The following ZCCHC7 variants were observed in gnomAD, a reference collection of about 807,000 sequenced individuals.
The protein encoded by ZCCHC7 is zinc finger CCHC domain-containing protein 7.
Under a neutral mutation model 52.0 loss-of-function variants are expected in ZCCHC7, and 35 were observed. That is an observed-to-expected ratio of 0.67 (90% CI 0.51 to 0.89). The LOEUF (loss-of-function observed/expected upper bound fraction) is 0.89, where lower values mean the gene tolerates loss of function less well. Among genes scored for constraint, ZCCHC7 ranks in the 40% least tolerant of loss-of-function variants. ZCCHC7 has a pLI of 0.00. For missense variants in ZCCHC7, 574 were observed against 649.1 expected (o/e 0.88, Z 1.26); for synonymous variants, 217 against 221.5 (o/e 0.98, Z 0.18).
intron 2 of ZCCHC7, among the ~76,000 whole-genome samples, chr9:37,219,074 A>T (rs1824677310): frequency 6.6e-6 from 1 of 152,096 alleles, no homozygotes; most frequent in Non-Finnish European, 1.5e-5. Flanking sequence ...CCTAAAAAAG[A>T]AAAAAGATTG....
At chr9:37,120,278 CT>C (rs1842244673), upstream of ZCCHC7, among the ~76,000 whole-genome samples, 1 of 152,204 alleles carries the variant, frequency 6.6e-6, no homozygotes, top group South Asian at 2.1e-4. Context: ...AACTCCCCGG[CT>C]TTTGCCCGGT....
chr9:37,287,441 T>A (rs892324642), intron 2 of ZCCHC7, among the ~76,000 whole-genome samples: 9 of 152,136 alleles, frequency 5.9e-5, no homozygotes, highest in Non-Finnish European at 5.9e-5. Flanking sequence ...CAATCTCAAC[T>A]TCAAATCAGT....
chr9:37,179,838 C>T (rs1822251986), intron 2 of ZCCHC7, among the ~76,000 whole-genome samples: 1 of 152,144 alleles, frequency 6.6e-6, no homozygotes, highest in Non-Finnish European at 1.5e-5. Flanking sequence ...TTTTACCCCT[C>T]AATGATGAGT....
At chr9:37,299,449 C>T (rs1757229852) in intron 2 of ZCCHC7, among the ~76,000 whole-genome samples, 1 of 152,180 alleles carries the variant, frequency 6.6e-6, no homozygotes, top group African/African-American at 2.4e-5. Flanking sequence ...AAGTATCCTG[C>T]CCAACACCAC....
chr9:37,130,334 C>CTT (rs34589957), intron 2 of ZCCHC7, among the ~76,000 whole-genome samples: 5,407 of 63,112 alleles, frequency 0.086, 1,560 homozygotes, highest in Admixed American at 0.11. Context: ...GAATTCTCTC[C>CTT]TTTTTTTTTT....
At chr9:37,345,263 T>G (rs1820886337) in intron 6 of ZCCHC7, among the ~76,000 whole-genome samples, 1 of 152,244 alleles carries the variant, frequency 6.6e-6, no homozygotes, top group South Asian at 2.1e-4. Context: ...TTATTTCTCT[T>G]AAGCCATGTA....
intron 2 of ZCCHC7, among the ~76,000 whole-genome samples, chr9:37,281,295 C>T (rs1377008928): frequency 6.6e-6 from 1 of 152,166 alleles, no homozygotes; most frequent in South Asian, 2.1e-4. Context: ...GGATTACAGG[C>T]ATGAGCCACC....
intron 2 of ZCCHC7, among the ~76,000 whole-genome samples, chr9:37,197,729 C>G (rs2133137459): frequency 6.6e-6 from 1 of 152,042 alleles, no homozygotes; most frequent in Middle Eastern, 3.4e-3. Flanking sequence ...ACAGCAATTG[C>G]ACTATTCTGG....
chr9:37,336,279 C>T (rs184699264), intron 6 of ZCCHC7, among the ~76,000 whole-genome samples: 1 of 152,286 alleles, frequency 6.6e-6, no homozygotes, highest in East Asian at 1.9e-4. Flanking sequence ...CAAACTTAAG[C>T]ACTTTATCAG....
intron 2 of ZCCHC7, among the ~76,000 whole-genome samples, chr9:37,231,658 AT>A (rs1002077487): frequency 3.3e-5 from 5 of 151,708 alleles, no homozygotes; most frequent in Non-Finnish European, 1.5e-5. Context: ...GTTTTTCTCC[AT>A]TTTTTTTCAC....
intron 2 of ZCCHC7, among the ~76,000 whole-genome samples, chr9:37,191,056 C>A (rs534790057): frequency 4.0e-4 from 61 of 152,154 alleles, no homozygotes; most frequent in African/African-American, 1.4e-3. Context: ...GCATTAGAAC[C>A]CACACAAGGA....
At chr9:37,124,457 CG>C (rs2132673778) in intron 1 of ZCCHC7, among the ~76,000 whole-genome samples, 1 of 151,894 alleles carries the variant, frequency 6.6e-6, no homozygotes, top group African/African-American at 2.4e-5. Context: ...ATTCAGCAAA[CG>C]TTTGTAGCTG....
At chr9:37,298,723 A>T (rs908906519) in intron 2 of ZCCHC7, among the ~76,000 whole-genome samples, 4 of 152,194 alleles carry the variant, frequency 2.6e-5, no homozygotes, top group Admixed American at 2.6e-4. Flanking sequence ...ACATTTGCCA[A>T]ATTGAATCCT....
intron 2 of ZCCHC7, among the ~76,000 whole-genome samples, chr9:37,222,211 A>C (rs1824849534): frequency 6.6e-6 from 1 of 151,958 alleles, no homozygotes; most frequent in African/African-American, 2.4e-5. Flanking sequence ...TTGGCATAGA[A>C]AATTAAAAAA....
intron 6 of ZCCHC7, among the ~76,000 whole-genome samples, chr9:37,335,816 A>T (rs997767050): frequency 1.3e-5 from 2 of 152,170 alleles, no homozygotes; most frequent in Non-Finnish European, 2.9e-5. Flanking sequence ...CATTTAGGCT[A>T]CTTCCTTTCC....
intron 2 of ZCCHC7, among the ~76,000 whole-genome samples, chr9:37,172,068 C>G (rs2132984106): frequency 6.6e-6 from 1 of 152,090 alleles, no homozygotes; most frequent in East Asian, 1.9e-4. Context: ...ACCTGTGTCT[C>G]TTAAAGTTCT....
intron 5 of ZCCHC7, among the ~76,000 whole-genome samples, chr9:37,316,134 A>G (rs1244515803): frequency 6.6e-6 from 1 of 151,424 alleles, no homozygotes; most frequent in African/African-American, 2.4e-5. Context: ...ATCTTGGCTC[A>G]CTGCAACTTC....
chr9:37,244,312 A>AT (rs1301307714), intron 2 of ZCCHC7, among the ~76,000 whole-genome samples: 2 of 151,644 alleles, frequency 1.3e-5, no homozygotes, highest in Non-Finnish European at 3.0e-5. Context: ...AAATAGAAAC[A>AT]TTTTTTATTT....
rs1821379225 is a variant in ZCCHC7 at position 37,165,685 on chromosome 9, GA to G, written c.610+38750del. ...ATTTTTTTAACCCTTTTTGCATTTAGAAAAAAAGCTGCAGCTTGCTGCCAGT... is the reference window on the plus strand; with the variant it reads ...ATTTTTTTAACCCTTTTTGCATTTAGAAAAAAGCTGCAGCTTGCTGCCAGT... On this transcript the variant is annotated intron_variant, in intron 2 of 8. Transcript: ENST00000336755. 4.6e-5 allele frequency among the ~76,000 whole-genome samples: 7 copies of G among 151,858 alleles called. No homozygotes were observed. In the South Asian group the frequency reaches 1.2e-3, roughly 27 times the overall value.
Sources: allele counts gnomAD v4.1 joint callset (sites outside exome capture counted in the v4.1 genomes callset), GRCh38; gene constraint gnomAD v4.1.1; transcripts MANE v1.5; gene names NCBI Gene and HGNC (gene_info 2026-07-23, HGNC 2026-07-21).